CCM2L: variants seen among roughly 807,000 people sequenced by gnomAD.
CCM2L encodes CCM2 like scaffold protein.
A neutral mutation model predicts 54.1 loss-of-function variants in CCM2L; 36 were observed. The observed-to-expected ratio is 0.67, with a 90% confidence interval of 0.51 to 0.88. The LOEUF is 0.88. CCM2L is among the 40% of genes least tolerant of loss of function. CCM2L has a pLI of 0.00. For synonymous variants in CCM2L, 351 were observed against 359.3 expected, an observed-to-expected ratio of 0.98 and a Z score of 0.26; for missense variants, 700 against 812.1, an observed-to-expected ratio of 0.86 and a Z score of 1.68.
chr20:32,026,555 G>T (rs1446144375), intron 7 of CCM2L, among the ~76,000 whole-genome samples: 1 of 152,152 alleles, frequency 6.6e-6, no homozygotes, highest in Non-Finnish European at 1.5e-5. Flanking sequence ...CTAGCTGCAA[G>T]CAAAGCTGGA....
chr20:32,011,385 A>C (rs1458696951), intron 1 of CCM2L, among the ~76,000 whole-genome samples: 1 of 152,092 alleles, frequency 6.6e-6, no homozygotes, highest in Non-Finnish European at 1.5e-5. Flanking sequence ...CGGGTGGATC[A>C]CCTGAGGTCA....
chr20:32,013,843 CTTG>C (rs1217783946), intron 1 of CCM2L, among the ~76,000 whole-genome samples: 1 of 152,164 alleles, frequency 6.6e-6, no homozygotes, highest in Non-Finnish European at 1.5e-5. Flanking sequence ...ACCTGGTGGG[CTTG>C]TTAAGCCCTA....
chr20:32,027,631 G>T (rs1449555317), intron 7 of CCM2L: 1 of 152,202 alleles, frequency 6.6e-6, no homozygotes, highest in Non-Finnish European at 1.5e-5. Flanking sequence ...GTAAGTATGG[G>T]ATTTGAACAG....
At chr20:32,023,442 G>C (rs1245143506) in intron 6 of CCM2L, among the ~76,000 whole-genome samples, 1 of 152,226 alleles carries the variant, frequency 6.6e-6, no homozygotes, top group Non-Finnish European at 1.5e-5. Context: ...GGTCCCACTA[G>C]GACCCTAACA....
At chr20:32,025,071 CTT>C (rs2064842274) in intron 6 of CCM2L, among the ~76,000 whole-genome samples, 1 of 151,466 alleles carries the variant, frequency 6.6e-6, no homozygotes, top group African/African-American at 2.4e-5. Flanking sequence ...TTCTTTCTTT[CTT>C]TCTTTCTTTC....
rs1179756656 is a variant in CCM2L at position 32,019,099 on chromosome 20, G to T, written c.623G>T (p.Gly208Val). 8.4e-7 allele frequency: 1 copy of T among 1,185,412 alleles called. No individual in the cohort carries two copies. Among genetic ancestry groups the T allele is most frequent in the Admixed American group, 4.5e-5 (1 of 21,982 alleles). 73.4% of individuals were successfully genotyped at this position (1,185,412 alleles called of 1,614,324 possible). ...AGCCTGGACTGGCGGATGGGGTGGG[G>T]TGGGGGCGCCGCGGAGGCCCGGGCC... ...ICSLDWRMGW[G>V]GGAAEARAGG... The change falls in exon 5 of 10, where the codon GGT becomes GTT. Residue 208 changes from glycine to valine, a missense_variant. By Grantham distance (109) the Gly-to-Val change is moderately radical (BLOSUM62 -3). Transcript: ENST00000452892.
At chr20:32,023,659 T>C (rs1487694441) in intron 6 of CCM2L, among the ~76,000 whole-genome samples, 1 of 152,194 alleles carries the variant, frequency 6.6e-6, no homozygotes, top group Non-Finnish European at 1.5e-5. Context: ...CATGAAGTAT[T>C]TTTCTGAATG....
chr20:32,019,618 T>C (rs1048098163), intron 5 of CCM2L, among the ~76,000 whole-genome samples: 3 of 152,032 alleles, frequency 2.0e-5, no homozygotes, highest in African/African-American at 7.3e-5. Flanking sequence ...ACTCTCAAAA[T>C]GGCCAAAACA....
chr20:32,014,752 C>A (rs1377099866), intron 1 of CCM2L, 152 bp from the exon 2 acceptor site: 1 of 735,710 alleles, frequency 1.4e-6, no homozygotes, highest in Admixed American at 2.9e-5. Context: ...CTAGGGTTTA[C>A]TTTCTCCATC....
chr20:32,024,044 T>G (rs7271028), intron 6 of CCM2L, among the ~76,000 whole-genome samples: 7,788 of 152,228 alleles, frequency 0.051, 634 homozygotes, highest in African/African-American at 0.17. Flanking sequence ...CGATTCCAGT[T>G]TTACAGATGA....
chr20:32,025,083 C>CTTTCTTTCTT (rs780097570), intron 6 of CCM2L, among the ~76,000 whole-genome samples: 1 of 143,774 alleles, frequency 7.0e-6, no homozygotes, highest in African/African-American at 2.9e-5. Context: ...TTCTTTCTTT[C>CTTTCTTTCTT]TCTCTTTCTT....
chr20:32,021,632 G>T (rs1359820105), intron 5 of CCM2L, among the ~76,000 whole-genome samples: 1 of 151,972 alleles, frequency 6.6e-6, no homozygotes, highest in Non-Finnish European at 1.5e-5. Flanking sequence ...CGACCGGAGT[G>T]TGACTCTATC....
In CCM2L at chr20:32,031,331, C is replaced by T. The variant is rs1319743586; in HGVS notation, c.*17C>T. The T allele has an allele frequency of 1.8e-5, 22 of 1,255,208 alleles. No individual in the cohort carries two copies. The highest frequency in any genetic ancestry group is 2.3e-5 in the Non-Finnish European group (22 of 972,548). 77.8% of individuals were successfully genotyped at this position (1,255,208 alleles called of 1,614,324 possible). On this transcript the variant is annotated 3_prime_UTR_variant, in exon 10 of 10. Transcript: ENST00000452892. ...TACCTGTAGCCACCGCCCCTGCGGA[C>T]GGCGTGGCTCAGCAGCCCACCTCTG...
chr20:32,030,097 A>G (rs1486958561), intron 9 of CCM2L, among the ~76,000 whole-genome samples: 1 of 152,178 alleles, frequency 6.6e-6, no homozygotes, highest in Non-Finnish European at 1.5e-5. Flanking sequence ...TGCGAGAGGG[A>G]CTGATTCTTC....
chr20:32,018,640 GA>G (rs2064764918), intron 4 of CCM2L, among the ~76,000 whole-genome samples: 1 of 152,050 alleles, frequency 6.6e-6, no homozygotes, highest in Non-Finnish European at 1.5e-5. Context: ...CTTGGGAGGG[GA>G]CAGCCTGACC....
intron 5 of CCM2L, among the ~76,000 whole-genome samples, chr20:32,020,494 C>T (rs1366628373): frequency 3.3e-5 from 5 of 152,202 alleles, no homozygotes; most frequent in Non-Finnish European, 5.9e-5. Flanking sequence ...GAAGATCTAA[C>T]GACTGTTTCA....
At position 32,018,008 on chromosome 20, in the gene CCM2L, G is replaced by T. The variant is rs763627361; in HGVS notation, c.312G>T (p.Thr104=). The change falls in exon 4 of 10, where the codon ACG becomes ACT. Residue 104 remains threonine (T), a synonymous_variant. Transcript: ENST00000452892. The stretch of plus-strand genomic sequence containing the variant: ...TGAAGGAGCTGCCGCTGAAGACCAC[G>T]GCGGAGCAGGACAGCATCCTGAGCC... The part of the protein sequence containing the change: ...RQLKELPLKT[T]AEQDSILSLS... 2 of 1,613,860 alleles carry T rather than the reference G, an allele frequency of 1.2e-6. No homozygotes were observed. Among genetic ancestry groups the T allele is most frequent in the Admixed American group, 3.3e-5 (2 of 60,012 alleles).
At chr20:32,029,679 C>T (rs982100343) in intron 8 of CCM2L, 21 bp from the exon 9 acceptor site, 7 of 1,585,476 alleles carry the variant, frequency 4.4e-6, no homozygotes, top group Non-Finnish European at 5.2e-6. Context: ...GGATTGATCT[C>T]GAATGGTGTC....
Position 32,018,131 on chromosome 20 carries a change from C to T in CCM2L, c.435C>T (p.Asp145=). 2 of 1,601,386 alleles carry T rather than the reference C, an allele frequency of 1.2e-6. No homozygotes were observed. The highest frequency in any genetic ancestry group is 1.7e-6 in the Non-Finnish European group (2 of 1,176,052). Residue 145 remains aspartate (D), a synonymous_variant, in exon 4 of 10, where the codon GAC becomes GAT. Transcript: ENST00000452892. ...HEIAAASYLQ[D]DALHLLVLKT... ...TCGCCGCCGCCTCCTACCTGCAGGACGACGCGCTGCACCTGCTAGTGCTCA... is the reference window on the plus strand; with the variant it reads ...TCGCCGCCGCCTCCTACCTGCAGGATGACGCGCTGCACCTGCTAGTGCTCA...
Sources: allele counts gnomAD v4.1 joint callset (sites outside exome capture counted in the v4.1 genomes callset), GRCh38; gene constraint gnomAD v4.1.1; transcripts MANE v1.5; gene names NCBI Gene and HGNC (gene_info 2026-07-23, HGNC 2026-07-21).